VPS13C: variants seen among roughly 807,000 people sequenced by gnomAD.
The protein encoded by VPS13C is vacuolar protein sorting 13 homolog C.
In VPS13C, 358 loss-of-function variants were observed where a neutral mutation model predicts 456.8. The observed-to-expected ratio is 0.78, with a 90% confidence interval of 0.72 to 0.86. The LOEUF is 0.86. Ranked by LOEUF, VPS13C falls within the 40% of genes least tolerant of loss-of-function variation. VPS13C has a pLI of 0.00. For synonymous variants in VPS13C, 1,578 were observed against 1,486.7 expected (o/e 1.06, Z -1.41); for missense variants, 4,818 against 4,385.4 (o/e 1.10, Z -2.79).
At chr15:61,945,174 T>C (rs913641500) in intron 45 of VPS13C, among the ~76,000 whole-genome samples, 8 of 152,242 alleles carry the variant, frequency 5.3e-5, no homozygotes, top group Non-Finnish European at 1.0e-4. Flanking sequence ...TCCGCAGCTA[T>C]GCGGAATGGT....
At position 62,040,299 on chromosome 15, in the gene VPS13C, G is replaced by A. The variant is rs561564607; in HGVS notation, c.187+1025C>T. ...CCAGTATTTGATGGCACAACAGGGTGACTACATTCAATAATAATTGATTGC... is the reference window on the plus strand; with the variant it reads ...CCAGTATTTGATGGCACAACAGGGTAACTACATTCAATAATAATTGATTGC... On this transcript the variant is annotated intron_variant, in intron 3 of 84. Transcript: ENST00000644861. Among the ~76,000 whole-genome samples, 11 of 152,196 alleles carry A rather than the reference G, an allele frequency of 7.2e-5. No individual in the cohort carries two copies. In the East Asian group the frequency reaches 2.1e-3, roughly 29 times the overall value.
chr15:61,860,294 C>T (rs1894148692), intron 82 of VPS13C, among the ~76,000 whole-genome samples: 2 of 152,074 alleles, frequency 1.3e-5, no homozygotes, highest in Admixed American at 1.3e-4. Flanking sequence ...TTCTACCCAT[C>T]AAGCTAGCAA....
chr15:61,912,128 T>A, intron 62 of VPS13C, 124 bp from the exon 63 acceptor site: 1 of 898,692 alleles, frequency 1.1e-6, no homozygotes, highest in Non-Finnish European at 1.5e-6. Context: ...ATAAAGCAAC[T>A]ATAAGTTACA....
chr15:61,983,032 C>T (rs1030517697), intron 20 of VPS13C, among the ~76,000 whole-genome samples: 3 of 152,152 alleles, frequency 2.0e-5, no homozygotes, highest in African/African-American at 7.2e-5. Context: ...TGGAGACTGG[C>T]TGTTCAACCA....
At chr15:62,041,584 G>C (rs569891064) in intron 2 of VPS13C, among the ~76,000 whole-genome samples, 1 of 152,106 alleles carries the variant, frequency 6.6e-6, no homozygotes, top group Non-Finnish European at 1.5e-5. Context: ...TTGGGAAGCC[G>C]AGGCGGGTGG....
At chr15:61,892,200 C>T (rs1040635877) in intron 66 of VPS13C, among the ~76,000 whole-genome samples, 4 of 152,200 alleles carry the variant, frequency 2.6e-5, no homozygotes, top group African/African-American at 4.8e-5. Context: ...GGATTAAAAA[C>T]TCCAGCCCAA....
chr15:61,936,175 G>A (rs141959092), intron 48 of VPS13C, among the ~76,000 whole-genome samples: 3 of 151,972 alleles, frequency 2.0e-5, no homozygotes, highest in Non-Finnish European at 2.9e-5. Flanking sequence ...GAAACATAAC[G>A]CTCCAATAAG....
chr15:61,922,351 C>A, intron 54 of VPS13C, 46 bp downstream of exon 54: 1 of 1,554,588 alleles, frequency 6.4e-7, no homozygotes, highest in South Asian at 1.3e-5. Context: ...ATTCCAAAAT[C>A]GCACTTTCAA....
At chr15:61,880,801 TTTG>T in intron 72 of VPS13C, 39 bp downstream of exon 72, 1 of 1,561,028 alleles carries the variant, frequency 6.4e-7, no homozygotes, top group Non-Finnish European at 8.6e-7. Context: ...TGATTTAAAT[TTTG>T]TTAATTTTAT....
intron 1 of VPS13C, among the ~76,000 whole-genome samples, chr15:62,050,657 C>T (rs988390478): frequency 6.6e-5 from 10 of 151,930 alleles, no homozygotes; most frequent in African/African-American, 2.4e-4. Context: ...AAAAAATTAG[C>T]CAGGCATGGT....
intron 38 of VPS13C, among the ~76,000 whole-genome samples, chr15:61,953,249 A>T (rs1247615207): frequency 1.3e-5 from 2 of 150,952 alleles, no homozygotes; most frequent in East Asian, 1.9e-4. Context: ...TTATTTTATT[A>T]TTATTATACT....
At position 62,010,454 on chromosome 15, in the gene VPS13C, T is replaced by C; in HGVS notation, c.1011+18A>G. The C allele has an allele frequency of 3.8e-6, 6 of 1,569,818 alleles. No homozygotes were observed. The highest frequency in any genetic ancestry group is 1.2e-5 in the South Asian group (1 of 83,004). On this transcript the variant is annotated intron_variant, in intron 13 of 84. Coordinates refer to ENST00000644861, the MANE Select transcript of VPS13C (RefSeq NM_020821.3). ...ATTCAAGGCTAATCAAAGCTGGAAA[T>C]ATCCACATGAATCATACCTGAGGTT...
chr15:61,927,100 G>C lies in VPS13C; in HGVS notation c.6507C>G (p.Asn2169Lys), dbSNP rs2043875553. 2 of 1,613,840 alleles carry C rather than the reference G, an allele frequency of 1.2e-6. No homozygotes were observed. Among genetic ancestry groups the C allele is most frequent in the African/African-American group, 2.7e-5 (2 of 74,914 alleles). Residue 2169 changes from asparagine to lysine, a missense_variant, in exon 52 of 85, where the codon AAC becomes AAG. Coordinates refer to ENST00000644861, the MANE Select transcript of VPS13C (RefSeq NM_020821.3). ...ACAAGGTAATTCTTACTGTGGTAAT[G>C]TTTTTCCCTCTCTTTTCTCTGAGAA... is the stretch of plus-strand genomic sequence containing the variant. ...CPFLREKRGK[N>K]ITTVLQPCSL...
At chr15:62,017,729 A>G (rs1014940700) in intron 9 of VPS13C, among the ~76,000 whole-genome samples, 472 of 152,238 alleles carry the variant, frequency 3.1e-3, no homozygotes, top group Non-Finnish European at 5.4e-3. Context: ...TGATGCCTCC[A>G]GCTTTGTTCT....
intron 79 of VPS13C, 106 bp downstream of exon 79, chr15:61,871,883 T>C (rs35521220): frequency 1.2e-5 from 11 of 947,484 alleles, no homozygotes; most frequent in Non-Finnish European, 1.7e-5. Flanking sequence ...TAAAATTCAG[T>C]CAGTAATTTT....
chr15:61,856,550 ATT>A, intron 82 of VPS13C, 141 bp from the exon 83 acceptor site: 1 of 919,462 alleles, frequency 1.1e-6, no homozygotes, highest in African/African-American at 1.7e-5. Context: ...AACCTGCTTC[ATT>A]TTTTTTAAGT....
At chr15:61,995,257 G>A (rs8034335) in intron 16 of VPS13C, among the ~76,000 whole-genome samples, 49,557 of 152,088 alleles carry the variant, frequency 0.33, 9,517 homozygotes, top group Non-Finnish European at 0.42. Flanking sequence ...AGATCTACCC[G>A]AGACTTTGAA....
At chr15:61,985,073 A>C in intron 18 of VPS13C, 74 bp from the exon 19 acceptor site, 1 of 1,189,136 alleles carries the variant, frequency 8.4e-7, no homozygotes, top group Non-Finnish European at 1.1e-6. Context: ...TTCTTATTTA[A>C]ATTTGCTGAA....
intron 9 of VPS13C, among the ~76,000 whole-genome samples, chr15:62,019,190 C>G (rs902482577): frequency 1.3e-5 from 2 of 151,858 alleles, no homozygotes; most frequent in African/African-American, 2.4e-5. Context: ...TTCTCCTTTA[C>G]TAGTCTTACT....
Sources: allele counts gnomAD v4.1 joint callset (sites outside exome capture counted in the v4.1 genomes callset), GRCh38; gene constraint gnomAD v4.1.1; transcripts MANE v1.5; gene names NCBI Gene and HGNC (gene_info 2026-07-23, HGNC 2026-07-21).